NCOA1: variants seen among roughly 807,000 people sequenced by gnomAD.
NCOA1 encodes Hin-2 protein.
NCOA1 carries 35 observed loss-of-function variants against 150.9 expected under a neutral mutation model. The observed-to-expected ratio is 0.23, with a 90% CI of 0.18 to 0.31. The LOEUF (loss-of-function observed/expected upper bound fraction) is 0.31. NCOA1 is among the 10% of genes least tolerant of loss of function. NCOA1 has a pLI of 1.00. For synonymous variants in NCOA1, 590 were observed against 630.0 expected, an observed-to-expected ratio of 0.94 and a Z score of 0.95; for missense variants, 1,491 against 1,749.3, an observed-to-expected ratio of 0.85 and a Z score of 2.63.
At chr2:24,703,052 A>T (rs1322910480) in intron 11 of NCOA1, among the ~76,000 whole-genome samples, 3 of 152,106 alleles carry the variant, frequency 2.0e-5, no homozygotes, top group African/African-American at 7.2e-5. Context: ...TTTCCCTCTG[A>T]TGTTTATTGA....
At chr2:24,604,056 A>G (rs143291094) in intron 3 of NCOA1, among the ~76,000 whole-genome samples, 238 of 152,324 alleles carry the variant, frequency 1.6e-3, no homozygotes, top group Middle Eastern at 6.8e-3. Context: ...GTACATCTCC[A>G]TCAGAGTTCT....
In NCOA1 at chr2:24,747,897, G is replaced by A. The variant is rs923656413; in HGVS notation, c.3707-4085G>A. On this transcript the variant is annotated intron_variant, in intron 19 of 22. Coordinates refer to ENST00000348332, the MANE Select transcript of NCOA1 (RefSeq NM_003743.5). ...CAAGGCAAGTGGATCACCTGAGGTC[G>A]GAAGTTCGAGACCAGCCTGACCAAC... 4.0e-5 allele frequency among the ~76,000 whole-genome samples: 6 copies of A among 151,892 alleles called. No homozygotes were observed. In the East Asian group the frequency reaches 5.8e-4, roughly 15 times the overall value.
chr2:24,575,658 C>T (rs1666925432), intron 2 of NCOA1, among the ~76,000 whole-genome samples: 1 of 151,222 alleles, frequency 6.6e-6, no homozygotes, highest in Admixed American at 6.6e-5. Context: ...ACTGCAACCT[C>T]CACCTCCCGG....
intron 1 of NCOA1, among the ~76,000 whole-genome samples, chr2:24,530,377 A>T (rs1664832606): frequency 6.6e-6 from 1 of 152,230 alleles, no homozygotes. Context: ...ATTTTGAGGA[A>T]GTAAAGACAA....
In NCOA1 at chr2:24,683,089, C is replaced by G; in HGVS notation, c.493C>G (p.His165Asp). ...CTACAGCATACTGCACGTGGGGGAT[C>G]ATGCAGAATTTGTGAAGAATCTGCT... ...SVYSILHVGD[H>D]AEFVKNLLPK... Residue 165 changes from histidine to aspartate, a missense_variant, in exon 8 of 23, where the codon CAT becomes GAT. This residue lies in a region of NCOA1 where 80 missense variants were observed against 163.0 expected (regional missense o/e 0.49). Coordinates refer to ENST00000348332, the MANE Select transcript of NCOA1 (RefSeq NM_003743.5). 1 of 1,578,804 alleles carries G rather than the reference C, an allele frequency of 6.3e-7. No individual in the cohort carries two copies. The highest frequency in any genetic ancestry group is 1.2e-5 in the South Asian group (1 of 83,360).
chr2:24,519,180 A>G (rs1664321533), intron 1 of NCOA1, among the ~76,000 whole-genome samples: 1 of 152,244 alleles, frequency 6.6e-6, no homozygotes, highest in Non-Finnish European at 1.5e-5. Context: ...CACATATGTG[A>G]TAAACAAAAT....
intron 1 of NCOA1, among the ~76,000 whole-genome samples, chr2:24,533,196 T>C (rs1381151334): frequency 1.3e-5 from 2 of 152,168 alleles, no homozygotes; most frequent in African/African-American, 4.8e-5. Flanking sequence ...TCCTAGGTAT[T>C]TTATTCTCTT....
At chr2:24,559,018 G>A (rs901599411) in intron 1 of NCOA1, among the ~76,000 whole-genome samples, 1 of 152,100 alleles carries the variant, frequency 6.6e-6, no homozygotes, top group Non-Finnish European at 1.5e-5. Flanking sequence ...CATTCAACGT[G>A]GGGGTCCATG....
At chr2:24,518,861 C>G (rs1380144769) in intron 1 of NCOA1, among the ~76,000 whole-genome samples, 1 of 152,090 alleles carries the variant, frequency 6.6e-6, no homozygotes, top group Non-Finnish European at 1.5e-5. Flanking sequence ...TGTGTTTATG[C>G]AGCAGAAGAC....
At chr2:24,555,395 G>A (rs2148236335) in intron 1 of NCOA1, among the ~76,000 whole-genome samples, 1 of 152,236 alleles carries the variant, frequency 6.6e-6, no homozygotes, top group Non-Finnish European at 1.5e-5. Flanking sequence ...GTCCATGTTG[G>A]TGAATATTCC....
chr2:24,668,154 T>C (rs1373888870), intron 6 of NCOA1, among the ~76,000 whole-genome samples: 1 of 151,676 alleles, frequency 6.6e-6, no homozygotes, highest in Non-Finnish European at 1.5e-5. Flanking sequence ...CAATGGAAAA[T>C]GAGAGAAAAA....
At position 24,758,307 on chromosome 2, in the gene NCOA1, A is replaced by G. The variant is rs945458720; in HGVS notation, c.4065+151A>G. The G allele has an allele frequency of 4.6e-5, 33 of 711,174 alleles. No homozygotes were observed. In the African/African-American group the frequency reaches 4.8e-4, roughly 10 times the overall value. 44.1% of individuals were successfully genotyped at this position (711,174 alleles called of 1,614,324 possible). ...ATAATTACTGGCTCTTAAGATATAC[A>G]ATGAAAAATTTTGACAGACTTTTTT... On this transcript the variant is annotated intron_variant, in intron 21 of 22. Coordinates refer to ENST00000348332, the MANE Select transcript of NCOA1 (RefSeq NM_003743.5).
At chr2:24,644,531 C>CCATATAATTGTAGGTATA (rs1433449379) in intron 4 of NCOA1, among the ~76,000 whole-genome samples, 1 of 151,780 alleles carries the variant, frequency 6.6e-6, no homozygotes, top group Non-Finnish European at 1.5e-5. Context: ...TGTAGGTATA[C>CCATATAATTGTAGGTATA]CCATATAATA....
chr2:24,650,635 G>T (rs1453050343), intron 4 of NCOA1, among the ~76,000 whole-genome samples: 3 of 151,996 alleles, frequency 2.0e-5, no homozygotes, highest in Admixed American at 6.6e-5. Context: ...ATATAACCCA[G>T]ATAAAGATCA....
chr2:24,599,310 A>G (rs888349851), intron 3 of NCOA1, among the ~76,000 whole-genome samples: 1 of 152,200 alleles, frequency 6.6e-6, no homozygotes, highest in East Asian at 1.9e-4. Flanking sequence ...GTATCTTCCT[A>G]TTAAGGGATG....
intron 9 of NCOA1, among the ~76,000 whole-genome samples, chr2:24,692,567 G>T (rs529777495): frequency 2.0e-5 from 3 of 152,076 alleles, no homozygotes; most frequent in Admixed American, 6.6e-5. Flanking sequence ...AATCTTTTTA[G>T]CCATTAAGTA....
intron 22 of NCOA1, among the ~76,000 whole-genome samples, chr2:24,763,396 G>C (rs953196969): frequency 1.3e-5 from 2 of 151,280 alleles, no homozygotes; most frequent in African/African-American, 2.4e-5. Flanking sequence ...AAAATTAGCC[G>C]GGTGAGGTGG....
chr2:24,611,183 C>G (rs1281439433), intron 3 of NCOA1, among the ~76,000 whole-genome samples: 1 of 152,180 alleles, frequency 6.6e-6, no homozygotes, highest in Non-Finnish European at 1.5e-5. Context: ...TTAGTTCCCA[C>G]TCATAAATGA....
At chr2:24,740,295 A>C (rs1379064062) in intron 18 of NCOA1, among the ~76,000 whole-genome samples, 1 of 152,198 alleles carries the variant, frequency 6.6e-6, no homozygotes, top group Non-Finnish European at 1.5e-5. Flanking sequence ...TGTTCTGAAA[A>C]ATGTGTTATT....
Sources: gnomAD v4.1 joint callset for allele counts (sites outside exome capture counted in the v4.1 genomes callset) on GRCh38, gnomAD v4.1.1 for gene constraint, gnomAD v4.1.1 regional missense constraint, MANE v1.5 for transcripts, NCBI Gene and HGNC (gene_info 2026-07-23, HGNC 2026-07-21) for gene names.